Variants in CAPN7 observed in about 807,000 individuals in gnomAD.
The protein encoded by CAPN7 is calpain-7.
In CAPN7, 72 loss-of-function variants were observed where a neutral mutation model predicts 115.2. That is an observed-to-expected ratio of 0.63 (90% CI 0.52 to 0.76). CAPN7 has a LOEUF of 0.76. CAPN7 is among the 30% of genes least tolerant of loss of function. CAPN7 has a pLI of 0.00. For missense variants in CAPN7, 905 were observed against 971.5 expected (o/e 0.93, Z 0.91); for synonymous variants, 344 against 322.3 (o/e 1.07, Z -0.72).
intron 6 of CAPN7, among the ~76,000 whole-genome samples, chr3:15,226,826 T>G (rs542503499): frequency 6.6e-6 from 1 of 152,258 alleles, no homozygotes; most frequent in South Asian, 2.1e-4. Context: ...CAAAATCCTC[T>G]CTTCTCCCAG....
intron 6 of CAPN7, among the ~76,000 whole-genome samples, chr3:15,225,970 C>T (rs189760232): frequency 6.6e-6 from 1 of 152,054 alleles, no homozygotes; most frequent in African/African-American, 2.4e-5. Flanking sequence ...ATTTATCTTT[C>T]GCTAGAGAGA....
intron 17 of CAPN7, 53 bp downstream of exon 17, chr3:15,245,724 A>G: frequency 2.7e-6 from 4 of 1,494,636 alleles, no homozygotes; most frequent in Admixed American, 2.0e-5. Flanking sequence ...AGTATGTAAT[A>G]TGCTCTGCTT....
intron 6 of CAPN7, among the ~76,000 whole-genome samples, chr3:15,223,935 A>G (rs1694149957): frequency 6.6e-6 from 1 of 152,238 alleles, no homozygotes; most frequent in African/African-American, 2.4e-5. Flanking sequence ...GACCAATTCA[A>G]GCAAGGACTA....
At chr3:15,212,018 G>T in intron 1 of CAPN7, 86 bp from the exon 2 acceptor site, 1 of 628,056 alleles carries the variant, frequency 1.6e-6, no homozygotes, top group East Asian at 3.0e-5. Flanking sequence ...TGTCATTCAT[G>T]GAAACCAATA....
In CAPN7 at chr3:15,240,853, G is replaced by A; in HGVS notation, c.1652G>A (p.Ser551Asn). 1 of 1,587,564 alleles carries A rather than the reference G, an allele frequency of 6.3e-7. No individual in the cohort carries two copies. Among genetic ancestry groups the A allele is most frequent in the Non-Finnish European group, 8.6e-7 (1 of 1,156,950 alleles). ...GLFKESTCIHSTWDAKQGPVK... is the reference protein window; with the variant it reads ...GLFKESTCIHNTWDAKQGPVK... Reference sequence around the variant, plus strand: ...TTTAAAGAATCAACATGTATTCACAGGTAACTTTTTGCACATTGCAGAGTA... The same window carrying A: ...TTTAAAGAATCAACATGTATTCACAAGTAACTTTTTGCACATTGCAGAGTA... The change falls in exon 14 of 21, where the codon AGT (serine) becomes AAT (asparagine). Residue 551 changes from serine to asparagine, a missense_variant and splice_region_variant. Transcript: ENST00000253693.
At chr3:15,212,807 A>G (rs1461581457) in intron 2 of CAPN7, among the ~76,000 whole-genome samples, 1 of 152,188 alleles carries the variant, frequency 6.6e-6, no homozygotes, top group Admixed American at 6.5e-5. Context: ...CATTGTATTT[A>G]CAAATACATT....
rs1695277331 is a variant in CAPN7, at chr3:15,240,511, T to G, written c.1446T>G (p.His482Gln). 16 of 1,612,412 alleles carry G rather than the reference T, an allele frequency of 9.9e-6. No homozygotes were observed. The highest frequency in any genetic ancestry group is 1.4e-5 in the Non-Finnish European group (16 of 1,179,642). The change falls in exon 13 of 21, where the codon CAT becomes CAG. Residue 482 changes from histidine (H) to glutamine (Q), a missense_variant. His to Gln is a conservative substitution (Grantham distance 24, BLOSUM62 0). Coordinates refer to ENST00000253693, the MANE Select transcript of CAPN7 (RefSeq NM_014296.3). The stretch of plus-strand genomic sequence containing the variant: ...TCCAGTTGAAAAATCCTTGGAGTCA[T>G]TTACGTTGGAAAGGAAGATACAGTG... The part of the protein sequence containing the change: ...RFIQLKNPWS[H>Q]LRWKGRYSEN...
intron 4 of CAPN7, among the ~76,000 whole-genome samples, chr3:15,220,499 G>A (rs1162916297): frequency 1.3e-5 from 2 of 152,116 alleles, no homozygotes; most frequent in African/African-American, 4.8e-5. Context: ...GTACCTTAAG[G>A]GTAGGGATTG....
intron 16 of CAPN7, among the ~76,000 whole-genome samples, chr3:15,242,823 A>T (rs1451652054): frequency 6.6e-6 from 1 of 152,206 alleles, no homozygotes; most frequent in East Asian, 1.9e-4. Context: ...GGCACCTGAG[A>T]TATTTAACAC....
chr3:15,229,581 T>C (rs1324590444), intron 8 of CAPN7, among the ~76,000 whole-genome samples: 1 of 135,806 alleles, frequency 7.4e-6, no homozygotes, highest in African/African-American at 3.1e-5. Flanking sequence ...TTTTTTTTTT[T>C]TTTTTTTTGG....
At chr3:15,231,788 A>G (rs1694705064) in intron 9 of CAPN7, among the ~76,000 whole-genome samples, 1 of 152,232 alleles carries the variant, frequency 6.6e-6, no homozygotes, top group South Asian at 2.1e-4. Context: ...TCGGCCTCCT[A>G]AAGTGCTGGG....
chr3:15,226,452 A>C (rs1559396260), intron 6 of CAPN7, among the ~76,000 whole-genome samples: 1 of 152,222 alleles, frequency 6.6e-6, no homozygotes, highest in Non-Finnish European at 1.5e-5. Flanking sequence ...TGAGAGAACA[A>C]ATATTATGGA....
intron 2 of CAPN7, among the ~76,000 whole-genome samples, chr3:15,215,346 A>G (rs2045190564): frequency 6.6e-6 from 1 of 152,248 alleles, no homozygotes; most frequent in African/African-American, 2.4e-5. Flanking sequence ...TTAGCGAGAT[A>G]CAATTTCCAT....
At chr3:15,231,118 C>G (rs569358501) in intron 9 of CAPN7, among the ~76,000 whole-genome samples, 39 of 152,322 alleles carry the variant, frequency 2.6e-4, no homozygotes, top group African/African-American at 9.4e-4. Context: ...CACCCTAGAC[C>G]TGCTGAATCA....
intron 12 of CAPN7, among the ~76,000 whole-genome samples, chr3:15,239,024 T>C (rs753958740): frequency 2.6e-5 from 4 of 152,082 alleles, no homozygotes; most frequent in Admixed American, 6.6e-5. Context: ...GCTCCTCTTT[T>C]AGGAAGTGTT....
rs145474385 is a variant in CAPN7 at position 15,217,054 on chromosome 3, A to G, written c.212-371A>G. On this transcript the variant is annotated intron_variant, in intron 2 of 20. Coordinates refer to ENST00000253693, the MANE Select transcript of CAPN7 (RefSeq NM_014296.3). ...GGAGTTCAAGACCAGCCTGGGCAAC[A>G]TGGCAAAACCCCATCTCTACAAAAA... 3.3e-3 allele frequency among the ~76,000 whole-genome samples: 502 copies of G among 150,396 alleles called. 4 individuals carry two copies. The highest frequency in any genetic ancestry group is 0.012 in the African/African-American group (470 of 40,104).
intron 10 of CAPN7, among the ~76,000 whole-genome samples, chr3:15,232,987 T>TA (rs1374247814): frequency 6.6e-6 from 1 of 152,206 alleles, no homozygotes; most frequent in Non-Finnish European, 1.5e-5. Flanking sequence ...TTCAAGGAGT[T>TA]ACTTGTTTTA....
chr3:15,206,732 C>T (rs928333757), intron 1 of CAPN7, 135 bp downstream of exon 1: 16 of 656,070 alleles, frequency 2.4e-5, no homozygotes, highest in Non-Finnish European at 3.6e-5. Flanking sequence ...TCCCGGCCCT[C>T]CTCTTGTTGG....
intron 3 of CAPN7, among the ~76,000 whole-genome samples, chr3:15,217,805 A>G (rs1693726948): frequency 6.6e-6 from 1 of 152,250 alleles, no homozygotes; most frequent in Admixed American, 6.5e-5. Flanking sequence ...AATTACAAGA[A>G]CTATTTTTAA....
Sources: allele counts gnomAD v4.1 joint callset (sites outside exome capture counted in the v4.1 genomes callset), GRCh38; gene constraint gnomAD v4.1.1; transcripts MANE v1.5; gene names NCBI Gene and HGNC (gene_info 2026-07-23, HGNC 2026-07-21).